Variants in EHD2 observed in about 807,000 individuals in gnomAD.
The protein encoded by EHD2 is EH domain containing 2, also known as EH domain-containing protein 2.
In EHD2, 27 loss-of-function variants were observed where a neutral mutation model predicts 41.0. That is an observed-to-expected ratio of 0.66 (90% CI 0.49 to 0.91). The LOEUF (loss-of-function observed/expected upper bound fraction) is 0.91, where lower values mean the gene tolerates loss of function less well. Ranked by LOEUF, EHD2 falls within the 40% of genes least tolerant of loss-of-function variation. EHD2 has a pLI of 0.00. For synonymous variants in EHD2, 342 were observed against 341.0 expected (o/e 1.00, Z -0.03); for missense variants, 673 against 773.9 (o/e 0.87, Z 1.55).
intron 4 of EHD2, among the ~76,000 whole-genome samples, chr19:47,731,101 T>C (rs371307591): frequency 2.7e-5 from 4 of 150,120 alleles, no homozygotes; most frequent in African/African-American, 9.8e-5. Context: ...GTCCATGCAG[T>C]GAGAACAGCA....
At chr19:47,730,858 G>A (rs984725618) in intron 4 of EHD2, among the ~76,000 whole-genome samples, 1 of 152,132 alleles carries the variant, frequency 6.6e-6, no homozygotes, top group East Asian at 1.9e-4. Context: ...AGCAGTTGCC[G>A]ATCGCATGTG....
intron 3 of EHD2, 127 bp downstream of exon 3, chr19:47,718,733 TG>T: frequency 1.6e-6 from 1 of 635,150 alleles, no homozygotes. Context: ...TCTGGACTCC[TG>T]GGTCTGAGGG....
intron 3 of EHD2, among the ~76,000 whole-genome samples, chr19:47,723,697 G>C: frequency 7.8e-6 from 1 of 127,994 alleles, no homozygotes; most frequent in Admixed American, 8.3e-5. Context: ...TTTTTTTAAA[G>C]AGACAAGGTC....
At chr19:47,736,144 C>A (rs916299614) in intron 4 of EHD2, among the ~76,000 whole-genome samples, 1 of 151,748 alleles carries the variant, frequency 6.6e-6, no homozygotes, top group African/African-American at 2.4e-5. Flanking sequence ...TGCAGTGAGC[C>A]GAGATTGTGC....
intron 4 of EHD2, chr19:47,731,279 A>AAAAAAAAAATATAT: frequency 9.8e-5 from 6 of 60,922 alleles, no homozygotes; most frequent in African/African-American, 2.4e-4. Context: ...AAAAAAAAAA[A>AAAAAAAAAATATAT]ATATATATAT....
At chr19:47,727,225 C>T (rs1407057022) in intron 4 of EHD2, among the ~76,000 whole-genome samples, 1 of 152,122 alleles carries the variant, frequency 6.6e-6, no homozygotes, top group East Asian at 1.9e-4. Flanking sequence ...CTGCCTCAGC[C>T]TCCCGAGTAG....
At chr19:47,715,465 A>G (rs1973615867) in intron 1 of EHD2, among the ~76,000 whole-genome samples, 1 of 151,822 alleles carries the variant, frequency 6.6e-6, no homozygotes, top group Admixed American at 6.6e-5. Context: ...TCTGTTTCTC[A>G]TGCCCTCCTC....
chr19:47,717,906 TAAAA>T (rs749665768), intron 2 of EHD2, among the ~76,000 whole-genome samples: 1 of 93,876 alleles, frequency 1.1e-5, no homozygotes. Context: ...AGACTCTGTC[TAAAA>T]AAAAAAAAAA....
intron 2 of EHD2, 110 bp downstream of exon 2, chr19:47,717,126 C>A: frequency 2.2e-6 from 3 of 1,369,254 alleles, no homozygotes; most frequent in South Asian, 1.3e-5. Flanking sequence ...CAGCTCATGG[C>A]AACCTCCACC....
intron 5 of EHD2, among the ~76,000 whole-genome samples, chr19:47,740,424 G>T (rs1351357674): frequency 6.7e-6 from 1 of 149,776 alleles, no homozygotes; most frequent in Non-Finnish European, 1.5e-5. Context: ...AAGTGACAGA[G>T]CGAGACCCTG....
intron 1 of EHD2, among the ~76,000 whole-genome samples, chr19:47,714,055 C>T (rs1444388353): frequency 2.0e-5 from 3 of 152,138 alleles, no homozygotes; most frequent in Non-Finnish European, 4.4e-5. Context: ...CACTCCTTTA[C>T]GAACTCCTTT....
At chr19:47,736,293 T>A in intron 4 of EHD2, 76 bp from the exon 5 acceptor site, 1 of 1,387,568 alleles carries the variant, frequency 7.2e-7, no homozygotes, top group Non-Finnish European at 9.8e-7. Context: ...TCTCTGGGAG[T>A]GGGGCCTGCA....
chr19:47,740,319 G>A (rs1222792545), intron 5 of EHD2, among the ~76,000 whole-genome samples: 1 of 152,004 alleles, frequency 6.6e-6, no homozygotes, highest in Non-Finnish European at 1.5e-5. Context: ...TGTGCCTGTG[G>A]TCCCAGCTAC....
chr19:47,714,535 T>C (rs1204425535), intron 1 of EHD2, among the ~76,000 whole-genome samples: 3 of 152,100 alleles, frequency 2.0e-5, no homozygotes, highest in South Asian at 2.1e-4. Flanking sequence ...TAAGGGAAGA[T>C]AGAGAACACA....
intron 1 of EHD2, among the ~76,000 whole-genome samples, chr19:47,714,264 C>T (rs1973602655): frequency 6.6e-6 from 1 of 152,066 alleles, no homozygotes; most frequent in Non-Finnish European, 1.5e-5. Flanking sequence ...GACCCAGGCT[C>T]ACTTGTTCTT....
At chr19:47,721,160 T>A (rs979538890) in intron 3 of EHD2, among the ~76,000 whole-genome samples, 2 of 108,840 alleles carry the variant, frequency 1.8e-5, no homozygotes, top group Non-Finnish European at 3.9e-5. Flanking sequence ...GATGTGCTAC[T>A]GGGGGTGTGT....
intron 3 of EHD2, among the ~76,000 whole-genome samples, chr19:47,724,020 G>C (rs1366573150): frequency 6.6e-6 from 1 of 151,428 alleles, no homozygotes; most frequent in East Asian, 1.9e-4. Flanking sequence ...TTCAATGCCA[G>C]GCATTATTTT....
At chr19:47,736,269 C>A in intron 4 of EHD2, 100 bp from the exon 5 acceptor site, 2 of 1,111,140 alleles carry the variant, frequency 1.8e-6, no homozygotes, top group Admixed American at 2.7e-5. Flanking sequence ...CAGCCCAGAC[C>A]AAGTAAATCA....
chr19:47,722,848 G>A (rs1032387826), intron 3 of EHD2, among the ~76,000 whole-genome samples: 8 of 152,228 alleles, frequency 5.3e-5, no homozygotes, highest in South Asian at 2.1e-4. Flanking sequence ...GATTGCAGGC[G>A]TGAGCCACCA....
Sources: gnomAD v4.1 joint callset for allele counts (sites outside exome capture counted in the v4.1 genomes callset) on GRCh38, gnomAD v4.1.1 for gene constraint, MANE v1.5 for transcripts, NCBI Gene and HGNC (gene_info 2026-07-23, HGNC 2026-07-21) for gene names.